Variants in PDE4D observed in about 807,000 individuals in gnomAD.
PDE4D encodes phosphodiesterase 4D, also known as 3',5'-cyclic-AMP phosphodiesterase 4D.
In PDE4D, 24 loss-of-function variants were observed where a neutral mutation model predicts 87.4. The ratio of observed to expected loss-of-function variants is 0.27; its 90% CI spans 0.20 to 0.39. The LOEUF is 0.39. Among genes scored for constraint, PDE4D ranks in the 10% least tolerant of loss-of-function variants. PDE4D has a pLI of 1.00. For synonymous variants in PDE4D, 384 were observed against 383.2 expected (o/e 1.00, Z -0.02); for missense variants, 714 against 1,041.0 (o/e 0.69, Z 4.32).
intron 2 of PDE4D, among the ~76,000 whole-genome samples, chr5:60,175,942 C>A (rs1783864861): frequency 6.6e-6 from 1 of 152,150 alleles, no homozygotes; most frequent in African/African-American, 2.4e-5. Context: ...CCTACTGCCA[C>A]CATCACCAAT....
intron 1 of PDE4D, among the ~76,000 whole-genome samples, chr5:59,447,050 G>A (rs1798455836): frequency 6.6e-6 from 1 of 152,296 alleles, no homozygotes; most frequent in South Asian, 2.1e-4. Context: ...GGTCAGACTG[G>A]TCAGCCTGTG....
chr5:59,999,526 T>TAAAAA (rs1325345412), intron 2 of PDE4D, among the ~76,000 whole-genome samples: 2 of 57,186 alleles, frequency 3.5e-5, no homozygotes, highest in Admixed American at 2.0e-4. Flanking sequence ...TATCCCGTGG[T>TAAAAA]AAAAAAAAAA....
intron 1 of PDE4D, among the ~76,000 whole-genome samples, chr5:59,613,527 G>A (rs1377015340): frequency 1.3e-5 from 2 of 152,200 alleles, no homozygotes; most frequent in Non-Finnish European, 2.9e-5. Context: ...CAAGGACTAA[G>A]CTTGGGACAT....
At chr5:59,622,718 T>C (rs1830483370) in intron 1 of PDE4D, among the ~76,000 whole-genome samples, 2 of 152,116 alleles carry the variant, frequency 1.3e-5, no homozygotes, top group African/African-American at 2.4e-5. Flanking sequence ...CTGACATCAT[T>C]CTCCTGACAC....
chr5:59,720,109 T>G (rs1276138103), intron 1 of PDE4D, among the ~76,000 whole-genome samples: 1 of 152,168 alleles, frequency 6.6e-6, no homozygotes, highest in African/African-American at 2.4e-5. Context: ...TTTCAAGGTG[T>G]GTATGTTTGT....
intron 1 of PDE4D, among the ~76,000 whole-genome samples, chr5:59,316,692 C>T (rs1773815193): frequency 6.6e-6 from 1 of 152,220 alleles, no homozygotes; most frequent in Admixed American, 6.5e-5. Context: ...GTAATGAACT[C>T]TAGAATGTGG....
intron 5 of PDE4D, among the ~76,000 whole-genome samples, chr5:59,132,883 A>G (rs532373603): frequency 6.6e-6 from 1 of 152,334 alleles, no homozygotes; most frequent in South Asian, 2.1e-4. Context: ...GACAACGGTA[A>G]CAAGTCAACA....
At chr5:59,241,033 G>A (rs1757563343) in intron 1 of PDE4D, among the ~76,000 whole-genome samples, 2 of 152,126 alleles carry the variant, frequency 1.3e-5, no homozygotes, top group Non-Finnish European at 2.9e-5. Flanking sequence ...CATGTGAAGT[G>A]CTCAGCACAC....
Position 60,286,386 on chromosome 5 carries a change from C to G in PDE4D, c.-89-100699G>C, listed in dbSNP as rs1314864385. On this transcript the variant is annotated intron_variant, in intron 1 of 16. Coordinates refer to the PDE4D transcript ENST00000502484. ...GAAACCAAGTCAGGGCCACTTTTTT[C>G]TTACATTTGATCTCCGTAGATATTT... Among the ~76,000 whole-genome samples, 3 of 152,124 alleles carry G rather than the reference C, an allele frequency of 2.0e-5. No individual in the cohort carries two copies. The East Asian group carries it at 5.8e-4, about 29-fold the overall frequency.
chr5:60,504,821 G>T (rs1296669433), intron 1 of PDE4D, among the ~76,000 whole-genome samples: 1 of 152,174 alleles, frequency 6.6e-6, no homozygotes, highest in Non-Finnish European at 1.5e-5. Context: ...AATCCCAGAA[G>T]AGTTTCTGTC....
intron 5 of PDE4D, among the ~76,000 whole-genome samples, chr5:59,101,595 G>T (rs751286566): frequency 6.6e-6 from 1 of 152,264 alleles, no homozygotes; most frequent in South Asian, 2.1e-4. Flanking sequence ...CATAGGCATG[G>T]TAATATTTAT....
intron 1 of PDE4D, among the ~76,000 whole-genome samples, chr5:59,759,390 G>T (rs77576550): frequency 6.6e-6 from 1 of 152,124 alleles, no homozygotes; most frequent in Non-Finnish European, 1.5e-5. Flanking sequence ...GCTTCAGCTC[G>T]TACGAACAGG....
chr5:60,260,230 T>C (rs1281147688), intron 1 of PDE4D, among the ~76,000 whole-genome samples: 1 of 151,892 alleles, frequency 6.6e-6, no homozygotes. Context: ...ACACATCTGA[T>C]AGTGATAAAC....
intron 5 of PDE4D, among the ~76,000 whole-genome samples, chr5:59,073,569 G>A (rs1765224122): frequency 6.6e-6 from 1 of 151,538 alleles, no homozygotes; most frequent in South Asian, 2.1e-4. Flanking sequence ...TTATGGAAAT[G>A]TATTTATAAT....
chr5:59,668,775 A>AAAG (rs1166863700), intron 1 of PDE4D, among the ~76,000 whole-genome samples: 3 of 137,052 alleles, frequency 2.2e-5, no homozygotes, highest in South Asian at 2.3e-4. Flanking sequence ...GAAGAAGAAG[A>AAAG]AAGAAGAAGA....
At chr5:59,544,251 A>C (rs1250109775) in intron 1 of PDE4D, among the ~76,000 whole-genome samples, 1 of 152,202 alleles carries the variant, frequency 6.6e-6, no homozygotes, top group Non-Finnish European at 1.5e-5. Context: ...TGAATTACCC[A>C]ATTGACGCTA....
intron 1 of PDE4D, among the ~76,000 whole-genome samples, chr5:60,319,825 C>T (rs1756039988): frequency 6.6e-6 from 1 of 152,178 alleles, no homozygotes; most frequent in African/African-American, 2.4e-5. Context: ...AATGTTGCTG[C>T]CTGATCGTTC....
intron 1 of PDE4D, among the ~76,000 whole-genome samples, chr5:60,515,311 G>C (rs1052132364): frequency 1.3e-4 from 20 of 152,082 alleles, no homozygotes; most frequent in African/African-American, 4.8e-4. Context: ...AATAAAGACT[G>C]TTGACCCTTT....
At chr5:59,316,495 G>A (rs1391080573) in intron 1 of PDE4D, among the ~76,000 whole-genome samples, 1 of 152,198 alleles carries the variant, frequency 6.6e-6, no homozygotes, top group Admixed American at 6.5e-5. Context: ...CAGAACTACA[G>A]CATCTTAAAG....
Sources: gnomAD v4.1 joint callset for allele counts (sites outside exome capture counted in the v4.1 genomes callset) on GRCh38, gnomAD v4.1.1 for gene constraint, MANE v1.5 for transcripts, NCBI Gene and HGNC (gene_info 2026-07-23, HGNC 2026-07-21) for gene names.